The following APBA1 variants were observed in gnomAD, a reference collection of about 807,000 sequenced individuals.
The protein encoded by APBA1 is amyloid beta precursor protein binding family A member 1.
APBA1 carries 55 observed loss-of-function variants against 86.6 expected under a neutral mutation model. That is an observed-to-expected ratio of 0.64 (90% CI 0.51 to 0.80). APBA1 has a LOEUF of 0.80. Among genes scored for constraint, APBA1 ranks in the 30% least tolerant of loss-of-function variants. The probability of loss-of-function intolerance (pLI) is 0.00; values close to 1 mark genes in which losing one functional copy is unlikely to be tolerated. For synonymous variants in APBA1, 511 were observed against 493.9 expected, an observed-to-expected ratio of 1.03 and a Z score of -0.46; for missense variants, 1,090 against 1,183.0, an observed-to-expected ratio of 0.92 and a Z score of 1.15.
chr9:69,517,703 C>T (rs917919819), intron 1 of APBA1, among the ~76,000 whole-genome samples: 13 of 152,152 alleles, frequency 8.5e-5, no homozygotes, highest in African/African-American at 2.7e-4. Flanking sequence ...ACATCAATTT[C>T]AAAGAAACAT....
chr9:69,640,444 G>A (rs905097667), intron 1 of APBA1, among the ~76,000 whole-genome samples: 2 of 151,730 alleles, frequency 1.3e-5, no homozygotes, highest in African/African-American at 2.4e-5. Context: ...TTAATAATAC[G>A]TTCACATTTG....
intron 1 of APBA1, 26 bp from the exon 2 acceptor site, chr9:69,517,305 T>C (rs1836183806): frequency 7.2e-7 from 1 of 1,397,962 alleles, no homozygotes; most frequent in Non-Finnish European, 9.2e-7. Flanking sequence ...GGGGAGAGGC[T>C]GTCACGTGGT....
chr9:69,441,158 G>A (rs749136451), intron 10 of APBA1, 43 bp from the exon 11 acceptor site: 2 of 1,587,576 alleles, frequency 1.3e-6, no homozygotes, highest in Non-Finnish European at 1.7e-6. Flanking sequence ...GACCACTGAG[G>A]CAGACAGAAT....
chr9:69,484,695 C>G (rs139951601), intron 2 of APBA1, among the ~76,000 whole-genome samples: 1 of 152,078 alleles, frequency 6.6e-6, no homozygotes, highest in Non-Finnish European at 1.5e-5. Flanking sequence ...CCCTTCTCCC[C>G]CAAGAGCTCT....
rs781394053 is a variant in APBA1, at chr9:69,516,898, C to A, written c.313G>T (p.Asp105Tyr). 5.6e-6 allele frequency: 9 copies of A among 1,594,022 alleles called. No individual in the cohort carries two copies. The African/African-American group carries it at 1.2e-4, about 21-fold the overall frequency. ...TCGGGGTCCTGCGCGCGCTCCGCAT[C>A]GTAGCCGTCGCGGGCCGCGGCGATC... Reference protein sequence around the residue: ...DVIAAARDGYDAERAQDPEDE... With the variant: ...DVIAAARDGYYAERAQDPEDE... Residue 105 changes from aspartate (D) to tyrosine (Y), a missense_variant, in exon 2 of 13, where the codon GAT becomes TAT. Asp to Tyr is a radical substitution (Grantham distance 160). Coordinates refer to ENST00000265381, the MANE Select transcript of APBA1 (RefSeq NM_001163.4). The surrounding 1 kb of genome is among the most constrained non-coding windows in gnomAD (Gnocchi z 7.3).
In APBA1 at chr9:69,516,637, CG is replaced by C; in HGVS notation, c.573del (p.Gly192AlafsTer10). On this transcript the variant is annotated frameshift_variant, in exon 2 of 13. Transcript: ENST00000265381. LOFTEE classifies it high-confidence loss of function. This position sits in a 1 kb window ranked among gnomAD's most constrained non-coding sequence, Gnocchi z 7.3. ...TCCTCGTACACGTGCTCCTGGAGGC[CG>C]CCGTAGTCGGCATAGGGCTCGGAGT... ...EPYSEPYADY[G>X]GLQEHVYEEI... 6.2e-7 allele frequency: 1 copy of C among 1,608,208 alleles called. No homozygotes were observed. Among genetic ancestry groups the C allele is most frequent in the Non-Finnish European group, 8.5e-7 (1 of 1,179,110 alleles).
At chr9:69,615,178 C>T (rs544668110) in intron 1 of APBA1, among the ~76,000 whole-genome samples, 10 of 152,262 alleles carry the variant, frequency 6.6e-5, no homozygotes, top group African/African-American at 1.7e-4. Context: ...CCGGCCTGGG[C>T]GACAGAGTGA....
At chr9:69,616,017 T>TC (rs1279839794) in intron 1 of APBA1, among the ~76,000 whole-genome samples, 3 of 152,108 alleles carry the variant, frequency 2.0e-5, no homozygotes, top group African/African-American at 7.2e-5. Context: ...TGAGACTCTT[T>TC]CCCCCCTTAA....
chr9:69,512,555 A>T (rs549558672), intron 2 of APBA1, among the ~76,000 whole-genome samples: 7 of 152,322 alleles, frequency 4.6e-5, no homozygotes, highest in African/African-American at 1.7e-4. Context: ...CCATTTCTCC[A>T]GGTCTGCTGA....
chr9:69,580,421 G>A (rs925277622), intron 1 of APBA1, among the ~76,000 whole-genome samples: 19 of 152,058 alleles, frequency 1.2e-4, no homozygotes, highest in Admixed American at 6.6e-5. Context: ...CACCCTGCCT[G>A]AACTCAGGAC....
intron 11 of APBA1, among the ~76,000 whole-genome samples, chr9:69,440,194 CT>C (rs1394712268): frequency 2.0e-5 from 3 of 152,206 alleles, no homozygotes; most frequent in Non-Finnish European, 4.4e-5. Context: ...TCTGCTCCTA[CT>C]GGGGGGTGCC....
At chr9:69,454,712 A>C (rs1342490505) in intron 8 of APBA1, among the ~76,000 whole-genome samples, 1 of 152,000 alleles carries the variant, frequency 6.6e-6, no homozygotes, top group African/African-American at 2.4e-5. Context: ...AAGGAGAAGA[A>C]ACCCCTCCCT....
At chr9:69,565,034 ATCTT>A (rs2133942207) in intron 1 of APBA1, among the ~76,000 whole-genome samples, 1 of 152,374 alleles carries the variant, frequency 6.6e-6, no homozygotes, top group South Asian at 2.1e-4. Context: ...GAGAAGGCAC[ATCTT>A]TCTTTGTTGC....
At chr9:69,500,893 G>A (rs1835871139) in intron 2 of APBA1, among the ~76,000 whole-genome samples, 1 of 152,084 alleles carries the variant, frequency 6.6e-6, no homozygotes, top group African/African-American at 2.4e-5. Context: ...AAGACATTTA[G>A]CATTTTTCAT....
intron 3 of APBA1, 105 bp downstream of exon 3, chr9:69,475,943 T>A (rs945185279): frequency 1.2e-6 from 1 of 861,440 alleles, no homozygotes; most frequent in African/African-American, 1.6e-5. Context: ...CTCACCAGGG[T>A]AATGTGGGTC....
In APBA1 at chr9:69,585,150, T is replaced by C. The variant is rs78688878; in HGVS notation, c.-69-67871A>G. Reference sequence around the variant, plus strand: ...GGGAGCTGACAATCCTTTTAGGTGATATAAACAGCAAACAAATAAATACAT... The same window carrying C: ...GGGAGCTGACAATCCTTTTAGGTGACATAAACAGCAAACAAATAAATACAT... On this transcript the variant is annotated intron_variant, in intron 1 of 12. Transcript: ENST00000265381. Among the ~76,000 whole-genome samples the C allele has an allele frequency of 7.1e-3, 1,085 of 152,322 alleles. 13 individuals are homozygous for C. The highest frequency in any genetic ancestry group is 0.025 in the African/African-American group (1,029 of 41,564).
intron 1 of APBA1, among the ~76,000 whole-genome samples, chr9:69,569,609 A>C (rs925049709): frequency 6.6e-6 from 1 of 152,132 alleles, no homozygotes; most frequent in African/African-American, 2.4e-5. Flanking sequence ...CCCTCAAAAA[A>C]ATATCTACTT....
At chr9:69,616,183 C>T (rs1822696267) in intron 1 of APBA1, among the ~76,000 whole-genome samples, 1 of 152,188 alleles carries the variant, frequency 6.6e-6, no homozygotes, top group South Asian at 2.1e-4. Context: ...TTACTCTCTG[C>T]TTTAATTCAA....
intron 1 of APBA1, among the ~76,000 whole-genome samples, chr9:69,655,022 T>A (rs1292252828): frequency 2.0e-5 from 3 of 152,106 alleles, no homozygotes; most frequent in Admixed American, 2.0e-4. Flanking sequence ...ATGATAAAAA[T>A]GCTCAACAAA....
Sources: allele counts gnomAD v4.1 joint callset (sites outside exome capture counted in the v4.1 genomes callset), GRCh38; gene constraint gnomAD v4.1.1; non-coding constraint Gnocchi (gnomAD v3.1); transcripts MANE v1.5; gene names NCBI Gene and HGNC (gene_info 2026-07-23, HGNC 2026-07-21).